STAM2: variants seen among roughly 807,000 people sequenced by gnomAD.
STAM2 encodes signal transducing adapter molecule 2.
STAM2 carries 51 observed loss-of-function variants against 65.6 expected under a neutral mutation model. That is an observed-to-expected ratio of 0.78 (90% CI 0.62 to 0.98). STAM2 has a LOEUF of 0.98. Ranked by LOEUF, STAM2 falls within the 50% of genes least tolerant of loss-of-function variation. The pLI, the probability that STAM2 is intolerant of heterozygous loss-of-function variation, is 0.00. For missense variants in STAM2, 584 were observed against 617.8 expected (o/e 0.95, Z 0.58); for synonymous variants, 198 against 208.4 (o/e 0.95, Z 0.43).
intron 1 of STAM2, among the ~76,000 whole-genome samples, chr2:152,161,897 A>T (rs957486562): frequency 2.8e-4 from 42 of 151,674 alleles, no homozygotes; most frequent in African/African-American, 7.7e-4. Flanking sequence ...ATCTTGGCTC[A>T]CTGCAACCTC....
At chr2:152,147,348 G>T in intron 4 of STAM2, 40 bp from the exon 5 acceptor site, 2 of 1,487,716 alleles carry the variant, frequency 1.3e-6, no homozygotes, top group Non-Finnish European at 9.0e-7. Flanking sequence ...AAAAATCTAC[G>T]GTTAAAATAA....
At chr2:152,173,987 T>C (rs1055898038) in intron 1 of STAM2, among the ~76,000 whole-genome samples, 12 of 152,034 alleles carry the variant, frequency 7.9e-5, no homozygotes, top group Admixed American at 7.2e-4. Context: ...ACAGTTTTTT[T>C]GTTTGTTTGT....
intron 1 of STAM2, among the ~76,000 whole-genome samples, chr2:152,167,354 AAAT>A (rs1689806306): frequency 6.6e-6 from 1 of 152,222 alleles, no homozygotes; most frequent in Non-Finnish European, 1.5e-5. Context: ...CCCATTAAGA[AAAT>A]AACGCTAAAG....
intron 1 of STAM2, 74 bp from the exon 2 acceptor site, chr2:152,150,303 C>G: frequency 1.0e-6 from 1 of 963,588 alleles, no homozygotes; most frequent in East Asian, 2.6e-5. Flanking sequence ...AAAGGTCCAA[C>G]AGTTAAGAAA....
chr2:152,161,453 T>C (rs1345676600), intron 1 of STAM2, among the ~76,000 whole-genome samples: 1 of 138,396 alleles, frequency 7.2e-6, no homozygotes, highest in Admixed American at 7.7e-5. Flanking sequence ...CCTGTGACCC[T>C]GCCAAATCCC....
chr2:152,120,793 T>G lies in STAM2; in HGVS notation c.1359A>C (p.Gln453His). 6.2e-7 allele frequency: 1 copy of G among 1,614,026 alleles called. No homozygotes were observed. The highest frequency in any genetic ancestry group is 1.1e-5 in the South Asian group (1 of 91,086). Residue 453 changes from glutamine to histidine, a missense_variant, in exon 14 of 14, where the codon CAA (glutamine) becomes CAC (histidine). Physicochemically the swap from Gln to His is conservative, Grantham distance 24. Transcript: ENST00000263904. Reference protein sequence around the residue: ...PAQTSYLSTGQDTVSNPTYMN... With the variant: ...PAQTSYLSTGHDTVSNPTYMN... ...TATAAGTAGGATTGGAAACAGTGTCTTGTCCAGTGCTACAAACAAAATTTT... is the reference window on the plus strand; with the variant it reads ...TATAAGTAGGATTGGAAACAGTGTCGTGTCCAGTGCTACAAACAAAATTTT...
At chr2:152,153,918 A>ACACG (rs1689494121) in intron 1 of STAM2, among the ~76,000 whole-genome samples, 1 of 149,106 alleles carries the variant, frequency 6.7e-6, no homozygotes, top group Non-Finnish European at 1.5e-5. Context: ...ACACACACAC[A>ACACG]CGCAAAAATA....
chr2:152,142,781 A>T (rs1371112174), intron 7 of STAM2, among the ~76,000 whole-genome samples: 2 of 152,158 alleles, frequency 1.3e-5, no homozygotes, highest in South Asian at 2.1e-4. Flanking sequence ...TATTTAAAAA[A>T]TTTTTCTTTA....
rs1688773477 is a variant in STAM2, at chr2:152,117,679, T to C, written c.*2895A>G. The C allele has an allele frequency of 6.6e-6, 1 of 152,178 alleles. No homozygotes were observed. Among genetic ancestry groups the C allele is most frequent in the African/African-American group, 2.4e-5 (1 of 41,446 alleles). 9.4% of individuals were successfully genotyped at this position (152,178 alleles called of 1,614,324 possible). ...CTCCAGCTTTCTTATAGCAATTCAA[T>C]AAGCCCTCTCCTAGAACTCAGGGGC... On this transcript the variant is annotated 3_prime_UTR_variant, in exon 14 of 14. Transcript: ENST00000263904.
At chr2:152,148,684 ATAAAC>A (rs1180478349) in intron 2 of STAM2, among the ~76,000 whole-genome samples, 1 of 152,210 alleles carries the variant, frequency 6.6e-6, no homozygotes, top group Non-Finnish European at 1.5e-5. Flanking sequence ...TAAAATAAAA[ATAAAC>A]TAAACTAAAA....
chr2:152,151,657 TCA>T (rs1689449086), intron 1 of STAM2, among the ~76,000 whole-genome samples: 1 of 152,242 alleles, frequency 6.6e-6, no homozygotes, highest in African/African-American at 2.4e-5. Flanking sequence ...CCATTGGCAG[TCA>T]CTGTTCATTC....
At chr2:152,146,468 A>G (rs1435551262) in intron 5 of STAM2, among the ~76,000 whole-genome samples, 2 of 152,072 alleles carry the variant, frequency 1.3e-5, no homozygotes, top group Non-Finnish European at 2.9e-5. Context: ...CCATGAGTCA[A>G]CATCCCTGCC....
At chr2:152,156,727 C>CATTATGTTCAAAG (rs1384860682) in intron 1 of STAM2, among the ~76,000 whole-genome samples, 1 of 152,098 alleles carries the variant, frequency 6.6e-6, no homozygotes, top group Non-Finnish European at 1.5e-5. Context: ...CAAAGTACAG[C>CATTATGTTCAAAG]TTTAAAAAGA....
chr2:152,144,092 A>C (rs1183413434), intron 6 of STAM2, 79 bp from the exon 7 acceptor site: 1 of 1,322,048 alleles, frequency 7.6e-7, no homozygotes, highest in Non-Finnish European at 1.0e-6. Flanking sequence ...GTAAAATTTA[A>C]TAAGAATAAA....
rs1294559334 is a variant in STAM2, at chr2:152,170,192, T to C, written c.40+5411A>G. Among the ~76,000 whole-genome samples, 3 of 151,560 alleles carry C rather than the reference T, an allele frequency of 2.0e-5. No homozygotes were observed. In the East Asian group the frequency reaches 5.9e-4, roughly 30 times the overall value. On this transcript the variant is annotated intron_variant, in intron 1 of 13. Coordinates refer to ENST00000263904, the MANE Select transcript of STAM2 (RefSeq NM_005843.6). Reference sequence around the variant, plus strand: ...TTCAAGACGACAACCTTTAAGAATTTTGCACTCCACTGGGCACAGTGGCTC... The same window carrying C: ...TTCAAGACGACAACCTTTAAGAATTCTGCACTCCACTGGGCACAGTGGCTC...
At chr2:152,166,402 T>G (rs1451880904) in intron 1 of STAM2, among the ~76,000 whole-genome samples, 1 of 152,074 alleles carries the variant, frequency 6.6e-6, no homozygotes, top group Non-Finnish European at 1.5e-5. Context: ...TATCCTTAAG[T>G]TTTATTTTGA....
At chr2:152,124,873 T>C (rs1688923178) in intron 12 of STAM2, among the ~76,000 whole-genome samples, 1 of 152,230 alleles carries the variant, frequency 6.6e-6, no homozygotes, top group Admixed American at 6.5e-5. Flanking sequence ...ACAATATAAC[T>C]AATGTGTTAC....
At chr2:152,160,307 C>T (rs1689639640) in intron 1 of STAM2, among the ~76,000 whole-genome samples, 1 of 151,350 alleles carries the variant, frequency 6.6e-6, no homozygotes. Context: ...CGGCCGCCAT[C>T]CCATCTAGGA....
intron 5 of STAM2, 66 bp downstream of exon 5, chr2:152,147,096 C>T: frequency 7.0e-7 from 1 of 1,432,558 alleles, no homozygotes; most frequent in Non-Finnish European, 9.3e-7. Flanking sequence ...CTTGCCTAGT[C>T]TTTACATAAC....
Sources: allele counts gnomAD v4.1 joint callset (sites outside exome capture counted in the v4.1 genomes callset), GRCh38; gene constraint gnomAD v4.1.1; transcripts MANE v1.5; gene names NCBI Gene and HGNC (gene_info 2026-07-23, HGNC 2026-07-21).